KCNJ6: variants seen among roughly 807,000 people sequenced by gnomAD.
The protein encoded by KCNJ6 is G protein-activated inward rectifier potassium channel 2.
Under a neutral mutation model 34.2 loss-of-function variants are expected in KCNJ6, and 9 were observed. That is an observed-to-expected ratio of 0.26 (90% CI 0.16 to 0.46). The LOEUF (loss-of-function observed/expected upper bound fraction) is 0.46, where lower values mean the gene tolerates loss of function less well. Ranked by LOEUF, KCNJ6 falls within the 20% of genes least tolerant of loss-of-function variation. The probability of loss-of-function intolerance (pLI) is 1.00; values close to 1 mark genes in which losing one functional copy is unlikely to be tolerated. For synonymous variants in KCNJ6, 196 were observed against 207.1 expected (o/e 0.95, Z 0.46); for missense variants, 236 against 531.3 (o/e 0.44, Z 5.46).
At chr21:37,671,991 G>A (rs548519382) in intron 3 of KCNJ6, among the ~76,000 whole-genome samples, 7 of 152,194 alleles carry the variant, frequency 4.6e-5, no homozygotes, top group African/African-American at 1.7e-4. Flanking sequence ...ATAAGATCAT[G>A]TTATCTTTGA....
At chr21:37,722,033 T>C (rs1418065360) in intron 2 of KCNJ6, among the ~76,000 whole-genome samples, 3 of 152,228 alleles carry the variant, frequency 2.0e-5, no homozygotes, top group Non-Finnish European at 2.9e-5. Context: ...AATATGATTC[T>C]ATACCTAAAA....
At chr21:37,747,811 C>CA (rs2054975036) in intron 2 of KCNJ6, among the ~76,000 whole-genome samples, 2 of 152,314 alleles carry the variant, frequency 1.3e-5, no homozygotes, top group South Asian at 4.1e-4. Flanking sequence ...CTGCTGAAAA[C>CA]AATTTTAACC....
chr21:37,792,009 G>A (rs192306124), intron 2 of KCNJ6, among the ~76,000 whole-genome samples: 4 of 152,144 alleles, frequency 2.6e-5, no homozygotes, highest in Non-Finnish European at 4.4e-5. Context: ...AATTGAGCAG[G>A]GTTTTTAAAT....
At chr21:37,627,803 G>A (rs1421131908) in intron 3 of KCNJ6, among the ~76,000 whole-genome samples, 1 of 73,674 alleles carries the variant, frequency 1.4e-5, no homozygotes, top group Non-Finnish European at 2.8e-5. Flanking sequence ...AGGAGGTGAA[G>A]GTTAATGCAG....
intron 3 of KCNJ6, among the ~76,000 whole-genome samples, chr21:37,667,451 C>T (rs1222826226): frequency 6.6e-6 from 1 of 152,014 alleles, no homozygotes; most frequent in Non-Finnish European, 1.5e-5. Flanking sequence ...TGGAATGACT[C>T]AATAGGACAT....
At chr21:37,759,745 A>G (rs2055050985) in intron 2 of KCNJ6, among the ~76,000 whole-genome samples, 2 of 152,178 alleles carry the variant, frequency 1.3e-5, no homozygotes, top group South Asian at 2.1e-4. Context: ...GATGGTTTTA[A>G]AATATGTTCT....
intron 1 of KCNJ6, among the ~76,000 whole-genome samples, chr21:37,854,278 G>A (rs927993488): frequency 1.3e-5 from 2 of 151,874 alleles, no homozygotes; most frequent in Admixed American, 6.6e-5. Flanking sequence ...AAAAAAGTAT[G>A]GCAATATTAT....
At chr21:37,899,120 A>G (rs2055804024) in intron 1 of KCNJ6, among the ~76,000 whole-genome samples, 1 of 152,188 alleles carries the variant, frequency 6.6e-6, no homozygotes, top group South Asian at 2.1e-4. Context: ...TCAAGTTTTC[A>G]GGGGGCAAAA....
At chr21:37,745,139 C>A (rs1285175262) in intron 2 of KCNJ6, among the ~76,000 whole-genome samples, 1 of 124,362 alleles carries the variant, frequency 8.0e-6, no homozygotes, top group Admixed American at 9.9e-5. Context: ...GTGGCCCAGG[C>A]TAGAGTTTGG....
intron 2 of KCNJ6, among the ~76,000 whole-genome samples, chr21:37,820,288 CT>C (rs1317183329): frequency 1.3e-5 from 2 of 152,184 alleles, no homozygotes; most frequent in African/African-American, 2.4e-5. Context: ...CTACTCCCAG[CT>C]TTTTGCTTGA....
chr21:37,886,811 G>T lies in KCNJ6; in HGVS notation c.-28+29073C>A, dbSNP rs118077974. On this transcript the variant is annotated intron_variant, in intron 1 of 3. Coordinates refer to ENST00000609713, the MANE Select transcript of KCNJ6 (RefSeq NM_002240.5). ...CTTCCACTTTTTGAGGGCTGGAATC[G>T]TGACTTTCAGGTATCTTTTCCCCAG... 4.7e-4 allele frequency among the ~76,000 whole-genome samples: 71 copies of T among 152,142 alleles called. 1 individual carries two copies. The East Asian group carries it at 0.013, about 28-fold the overall frequency.
At chr21:37,860,448 C>T (rs1050502155) in intron 1 of KCNJ6, among the ~76,000 whole-genome samples, 1 of 152,210 alleles carries the variant, frequency 6.6e-6, no homozygotes, top group African/African-American at 2.4e-5. Flanking sequence ...CTCCTGTGGT[C>T]TGTTCCCTAT....
In KCNJ6 at chr21:37,859,520, T is replaced by A. The variant is rs1451309478; in HGVS notation, c.-27-18811A>T. 2.3e-4 allele frequency among the ~76,000 whole-genome samples: 23 copies of A among 100,808 alleles called. 1 individual carries two copies. The highest frequency in any genetic ancestry group is 1.2e-3 in the African/African-American group (23 of 19,484). The allele number at this position is 100,808 out of a possible 152,430, so 66.1% of individuals were successfully genotyped here. On this transcript the variant is annotated intron_variant, in intron 1 of 3. Coordinates refer to ENST00000609713, the MANE Select transcript of KCNJ6 (RefSeq NM_002240.5). ...ATATATATATATATATATATATATA[T>A]ATATATATATAAAATACTTAAAAAG...
intron 2 of KCNJ6, among the ~76,000 whole-genome samples, chr21:37,781,591 A>G (rs1024487960): frequency 6.6e-6 from 1 of 152,230 alleles, no homozygotes; most frequent in African/African-American, 2.4e-5. Context: ...TCTAAAGTAT[A>G]CCATGAGGCA....
At chr21:37,630,648 G>A (rs185980863) in intron 3 of KCNJ6, among the ~76,000 whole-genome samples, 135 of 152,174 alleles carry the variant, frequency 8.9e-4, no homozygotes, top group African/African-American at 2.7e-3. Flanking sequence ...CTTACCTTTC[G>A]TTTTATGTAT....
chr21:37,707,723 A>ATGTGTGTG (rs1491422353), intron 3 of KCNJ6, among the ~76,000 whole-genome samples: 20 of 778 alleles, frequency 0.026, 1 homozygote, highest in Admixed American at 0.067. Flanking sequence ...GTATCTGTGC[A>ATGTGTGTG]TGTGTGTGTG....
chr21:37,658,284 C>T (rs947001611), intron 3 of KCNJ6, among the ~76,000 whole-genome samples: 14 of 152,344 alleles, frequency 9.2e-5, no homozygotes, highest in African/African-American at 2.4e-4. Context: ...TCCCTGAAGA[C>T]GAGCATGACA....
chr21:37,614,890 T>A lies in KCNJ6; in HGVS notation c.*10269A>T, dbSNP rs1446338288. 1 of 152,066 alleles carries A rather than the reference T, an allele frequency of 6.6e-6. No individual in the cohort carries two copies. Among genetic ancestry groups the A allele is most frequent in the Non-Finnish European group, 1.5e-5 (1 of 67,984 alleles). The allele number at this position is 152,066 out of a possible 1,614,324, so 9.4% of individuals were successfully genotyped here. A position where few individuals can be genotyped will look rare whatever the true frequency, so the allele number is the denominator to read the frequency against. On this transcript the variant is annotated 3_prime_UTR_variant, in exon 4 of 4. Coordinates refer to ENST00000609713, the MANE Select transcript of KCNJ6 (RefSeq NM_002240.5). ...GTTACTTATGAAGGACTGGGGACAT[T>A]ATTGTTGCATAGTGTAACATTCAGA... is the stretch of plus-strand genomic sequence containing the variant.
In KCNJ6 at chr21:37,685,706, A is replaced by AAG. The variant is rs1556018976; in HGVS notation, c.946+28504_946+28505insCT. Among the ~76,000 whole-genome samples, 182 of 51,034 alleles carry AAG rather than the reference A, an allele frequency of 3.6e-3. 58 individuals carry two copies. The highest frequency in any genetic ancestry group is 9.0e-3 in the African/African-American group (163 of 18,056). The allele number at this position is 51,034 out of a possible 152,430, so 33.5% of individuals were successfully genotyped here. A position where few individuals can be genotyped will look rare whatever the true frequency, so the allele number is the denominator to read the frequency against. On this transcript the variant is annotated intron_variant, in intron 3 of 3. Transcript: ENST00000609713. Reference sequence around the variant, plus strand: ...CAAAAAAAAAAAAAAAAAAAAAAAAAAATCTATCCTATGGATATCAGAGGT... The same window carrying AAG: ...CAAAAAAAAAAAAAAAAAAAAAAAAAAGAATCTATCCTATGGATATCAGAGGT...
Sources: allele counts gnomAD v4.1 joint callset (sites outside exome capture counted in the v4.1 genomes callset), GRCh38; gene constraint gnomAD v4.1.1; transcripts MANE v1.5; gene names NCBI Gene and HGNC (gene_info 2026-07-23, HGNC 2026-07-21).